The following LUZP2 variants were observed in gnomAD, a reference collection of about 807,000 sequenced individuals.
LUZP2 encodes leucine zipper protein 2.
In LUZP2, 52 loss-of-function variants were observed where a neutral mutation model predicts 51.6. The ratio of observed to expected loss-of-function variants is 1.01; its 90% confidence interval spans 0.81 to 1.27. LUZP2 has a LOEUF of 1.27. Among genes scored for constraint, LUZP2 ranks in the 50% most tolerant of loss-of-function variants. The pLI, the probability that LUZP2 is intolerant of heterozygous loss-of-function variation, is 0.00. For synonymous variants in LUZP2, 154 were observed against 137.3 expected (o/e 1.12, Z -0.85); for missense variants, 436 against 395.4 (o/e 1.10, Z -0.87).
At chr11:24,639,827 C>T (rs949928745) in intron 1 of LUZP2, among the ~76,000 whole-genome samples, 42 of 151,894 alleles carry the variant, frequency 2.8e-4, no homozygotes, top group African/African-American at 1.0e-3. Context: ...CATTCTCTCT[C>T]ACTGCAGTTC....
intron 7 of LUZP2, among the ~76,000 whole-genome samples, chr11:24,922,827 TTTTTTTTTTC>T (rs1242713875): frequency 0.021 from 884 of 42,428 alleles, 130 homozygotes; most frequent in East Asian, 0.066. Context: ...AGTTATATCT[TTTTTTTTTTC>T]TTTTTTTTTT....
At chr11:25,061,374 A>T (rs1858832191) in intron 10 of LUZP2, among the ~76,000 whole-genome samples, 1 of 152,204 alleles carries the variant, frequency 6.6e-6, no homozygotes, top group Non-Finnish European at 1.5e-5. Context: ...AGAAACAAAC[A>T]GGTTATTCTA....
chr11:25,009,458 T>C (rs960056312), intron 9 of LUZP2, among the ~76,000 whole-genome samples: 1 of 152,138 alleles, frequency 6.6e-6, no homozygotes, highest in Non-Finnish European at 1.5e-5. Flanking sequence ...AATATGTATT[T>C]ATTGGAATAT....
At chr11:24,946,510 G>A (rs985618690) in intron 7 of LUZP2, among the ~76,000 whole-genome samples, 4 of 151,534 alleles carry the variant, frequency 2.6e-5, no homozygotes, top group African/African-American at 9.7e-5. Context: ...TGTTCTTAAT[G>A]CTTCCTCTAA....
intron 1 of LUZP2, among the ~76,000 whole-genome samples, chr11:24,546,972 G>T (rs71474706): frequency 7.1e-5 from 2 of 28,154 alleles, no homozygotes; most frequent in African/African-American, 1.9e-4. Flanking sequence ...GTTGGTGGTG[G>T]TGGTGGTGGT....
chr11:24,781,885 TA>T (rs1849105076), intron 5 of LUZP2, among the ~76,000 whole-genome samples: 1 of 151,960 alleles, frequency 6.6e-6, no homozygotes, highest in Non-Finnish European at 1.5e-5. Flanking sequence ...CTGGGGATCT[TA>T]CAAAAAATGA....
chr11:24,507,009 T>C (rs1850164401), intron 1 of LUZP2, among the ~76,000 whole-genome samples: 1 of 152,098 alleles, frequency 6.6e-6, no homozygotes, highest in African/African-American at 2.4e-5. Flanking sequence ...ATTAAAAATA[T>C]TCTTAAAATA....
intron 5 of LUZP2, among the ~76,000 whole-genome samples, chr11:24,784,818 G>A (rs1479060404): frequency 6.6e-6 from 1 of 151,884 alleles, no homozygotes; most frequent in Non-Finnish European, 1.5e-5. Flanking sequence ...ATTATTGATG[G>A]GAACATATAT....
At chr11:24,801,065 G>T (rs981210354) in intron 5 of LUZP2, among the ~76,000 whole-genome samples, 6 of 152,086 alleles carry the variant, frequency 3.9e-5, no homozygotes, top group African/African-American at 1.2e-4. Flanking sequence ...TGGCTCAAAA[G>T]TGGAAATTTG....
intron 1 of LUZP2, among the ~76,000 whole-genome samples, chr11:24,551,727 T>G (rs1040354157): frequency 3.3e-5 from 5 of 151,986 alleles, no homozygotes; most frequent in African/African-American, 1.2e-4. Context: ...ACCTAAAATA[T>G]AATAAAGGTA....
At chr11:24,859,765 G>A (rs533313950) in intron 5 of LUZP2, among the ~76,000 whole-genome samples, 205 of 152,320 alleles carry the variant, frequency 1.3e-3, no homozygotes, top group Non-Finnish European at 2.4e-3. Flanking sequence ...CTTTCCCCCA[G>A]CCAAAGGAGG....
intron 5 of LUZP2, among the ~76,000 whole-genome samples, chr11:24,875,583 A>G (rs1425020642): frequency 6.7e-6 from 1 of 149,560 alleles, no homozygotes; most frequent in Non-Finnish European, 1.5e-5. Context: ...GTGTTTTTAT[A>G]GCAGCATGAT....
chr11:24,741,925 TA>T (rs1859169330), intron 4 of LUZP2, among the ~76,000 whole-genome samples: 4 of 19,794 alleles, frequency 2.0e-4, no homozygotes, highest in Non-Finnish European at 6.1e-4. Flanking sequence ...TATACATTTA[TA>T]TATTATATAT....
At chr11:24,747,500 A>G (rs1436042292) in intron 4 of LUZP2, among the ~76,000 whole-genome samples, 1 of 151,944 alleles carries the variant, frequency 6.6e-6, no homozygotes, top group African/African-American at 2.4e-5. Context: ...TGGTGGTTTC[A>G]TGTTCTATTT....
chr11:24,955,295 A>G (rs1855183575), intron 7 of LUZP2, among the ~76,000 whole-genome samples: 1 of 152,064 alleles, frequency 6.6e-6, no homozygotes, highest in South Asian at 2.1e-4. Flanking sequence ...CTGACCTTAT[A>G]CTGAGTGTTA....
intron 1 of LUZP2, among the ~76,000 whole-genome samples, chr11:24,501,243 G>A (rs1230068563): frequency 6.6e-6 from 1 of 152,190 alleles, no homozygotes; most frequent in African/African-American, 2.4e-5. Flanking sequence ...TTACATTGCA[G>A]TTTTGCACCT....
intron 1 of LUZP2, among the ~76,000 whole-genome samples, chr11:24,541,277 A>G (rs1002966091): frequency 7.1e-6 from 1 of 141,062 alleles, no homozygotes; most frequent in Non-Finnish European, 1.6e-5. Flanking sequence ...AAAAAAAAAA[A>G]GGAGTGAGGT....
chr11:24,658,258 A>T (rs550042483), intron 1 of LUZP2, among the ~76,000 whole-genome samples: 1 of 152,346 alleles, frequency 6.6e-6, no homozygotes, highest in Non-Finnish European at 1.5e-5. Context: ...CACAGCCCTC[A>T]GAAATAATGC....
chr11:24,903,804 G>A (rs577518565), intron 5 of LUZP2, among the ~76,000 whole-genome samples: 3 of 152,262 alleles, frequency 2.0e-5, no homozygotes, highest in Non-Finnish European at 4.4e-5. Context: ...GTTGGACTCA[G>A]ATGGTTAATA....
Sources: gnomAD v4.1 joint callset for allele counts (sites outside exome capture counted in the v4.1 genomes callset) on GRCh38, gnomAD v4.1.1 for gene constraint, MANE v1.5 for transcripts, NCBI Gene and HGNC (gene_info 2026-07-23, HGNC 2026-07-21) for gene names.